KAZN: variants seen among roughly 807,000 people sequenced by gnomAD.
KAZN encodes the protein kazrin, periplakin interacting protein, also known as kazrin.
A neutral mutation model predicts 87.4 loss-of-function variants in KAZN; 40 were observed. The ratio of observed to expected loss-of-function variants is 0.46; its 90% CI spans 0.36 to 0.60. KAZN has a LOEUF of 0.60. Ranked by LOEUF, KAZN falls within the 20% of genes least tolerant of loss-of-function variation. KAZN has a pLI of 0.00. For synonymous variants in KAZN, 466 were observed against 458.3 expected (o/e 1.02, Z -0.22); for missense variants, 898 against 1,073.9 (o/e 0.84, Z 2.29).
chr1:14,090,297 C>A (rs948212754), intron 1 of KAZN, among the ~76,000 whole-genome samples: 6 of 152,100 alleles, frequency 3.9e-5, no homozygotes, highest in African/African-American at 1.4e-4. Flanking sequence ...ACACTCCATC[C>A]ATTTTTTTCA....
At chr1:14,514,619 A>ATTTTATATATTTTTTTATATTT (rs1557770559) in intron 2 of KAZN, among the ~76,000 whole-genome samples, 16 of 53,154 alleles carry the variant, frequency 3.0e-4, no homozygotes, top group Non-Finnish European at 5.3e-4. Context: ...ATATATATAT[A>ATTTTATATATTTTTTTATATTT]TATATATATA....
chr1:14,196,029 G>C (rs942378868), intron 2 of KAZN, among the ~76,000 whole-genome samples: 10 of 152,194 alleles, frequency 6.6e-5, no homozygotes, highest in African/African-American at 2.4e-4. Flanking sequence ...AACTAAGAGA[G>C]TGGATAAACC....
intron 1 of KAZN, among the ~76,000 whole-genome samples, chr1:14,651,898 C>T (rs190020517): frequency 5.3e-4 from 81 of 152,300 alleles, no homozygotes; most frequent in Admixed American, 2.2e-3. Flanking sequence ...ACAGGTAGTT[C>T]GAATGATACC....
intron 2 of KAZN, among the ~76,000 whole-genome samples, chr1:14,480,590 TTATA>T (rs1669016847): frequency 6.8e-6 from 1 of 146,434 alleles, no homozygotes; most frequent in African/African-American, 2.5e-5. Context: ...AATATTCATA[TTATA>T]TATTATATTT....
At chr1:14,308,320 TAGG>T (rs1268896288) in intron 2 of KAZN, among the ~76,000 whole-genome samples, 1 of 151,924 alleles carries the variant, frequency 6.6e-6, no homozygotes, top group South Asian at 2.1e-4. Context: ...TGAGATTATA[TAGG>T]AGAATATATT....
chr1:14,258,409 T>C (rs12031472), intron 2 of KAZN, among the ~76,000 whole-genome samples: 1 of 134,612 alleles, frequency 7.4e-6, no homozygotes, highest in African/African-American at 2.8e-5. Context: ...TTTTTTTTTG[T>C]ATTTTTAGTA....
At chr1:14,059,202 A>G (rs1642692748) in intron 1 of KAZN, among the ~76,000 whole-genome samples, 1 of 152,210 alleles carries the variant, frequency 6.6e-6, no homozygotes, top group East Asian at 1.9e-4. Flanking sequence ...ACACAATTAC[A>G]AGGCAAAGTC....
intron 1 of KAZN, among the ~76,000 whole-genome samples, chr1:14,007,486 G>T (rs1028148942): frequency 1.4e-4 from 21 of 152,190 alleles, no homozygotes; most frequent in African/African-American, 4.8e-4. Flanking sequence ...CACCCAGCTG[G>T]ACAGGGTGGC....
rs1044396766 is a variant in KAZN, at chr1:14,362,303, T to C, written c.249+181711T>C. 2.0e-5 allele frequency among the ~76,000 whole-genome samples: 3 copies of C among 152,350 alleles called. No homozygotes were observed. The East Asian group carries it at 5.8e-4, about 29-fold the overall frequency. Reference sequence around the variant, plus strand: ...GACAAAAGGCCTCAGTTGCTGGCTGTTGACGAGAGTCTGTCCTCAGTTTTT... The same window carrying C: ...GACAAAAGGCCTCAGTTGCTGGCTGCTGACGAGAGTCTGTCCTCAGTTTTT... On this transcript the variant is annotated intron_variant, in intron 2 of 16. Coordinates refer to the KAZN transcript ENST00000636203.
At position 14,726,878 on chromosome 1, in the gene KAZN, G is replaced by T. The variant is rs574190904; in HGVS notation, c.226+127655G>T. Among the ~76,000 whole-genome samples the T allele has an allele frequency of 2.0e-5, 3 of 152,280 alleles. No individual in the cohort carries two copies. In the South Asian group the frequency reaches 6.2e-4, roughly 32 times the overall value. On this transcript the variant is annotated intron_variant, in intron 1 of 14. Coordinates refer to ENST00000376030, the MANE Select transcript of KAZN (RefSeq NM_201628.3). ...CATGCACGCTCAGCTTTGAGAACCTGTATTAACTCACTGAATCTTGAAGAC... is the reference window on the plus strand; with the variant it reads ...CATGCACGCTCAGCTTTGAGAACCTTTATTAACTCACTGAATCTTGAAGAC...
At chr1:14,605,869 G>A (rs867009979) in intron 1 of KAZN, among the ~76,000 whole-genome samples, 6 of 152,332 alleles carry the variant, frequency 3.9e-5, no homozygotes, top group Admixed American at 1.3e-4. Flanking sequence ...GTGAGATAGT[G>A]ATGACTACAA....
chr1:14,730,884 GC>G (rs1169031118), intron 1 of KAZN, among the ~76,000 whole-genome samples: 3 of 152,058 alleles, frequency 2.0e-5, no homozygotes, highest in Non-Finnish European at 2.9e-5. Flanking sequence ...CAAGATGGTG[GC>G]CCTCCCTCTT....
intron 1 of KAZN, among the ~76,000 whole-genome samples, chr1:14,043,178 T>G (rs1641913352): frequency 6.6e-6 from 1 of 152,254 alleles, no homozygotes; most frequent in Admixed American, 6.5e-5. Flanking sequence ...TCTGTCCTTT[T>G]GTATCTAGCT....
chr1:14,250,065 A>G (rs1649874436), intron 2 of KAZN, among the ~76,000 whole-genome samples: 1 of 152,162 alleles, frequency 6.6e-6, no homozygotes, highest in Admixed American at 6.5e-5. Context: ...GAGTTTGGAG[A>G]TTCCTAATAT....
chr1:14,931,253 A>T (rs931438749), intron 1 of KAZN, among the ~76,000 whole-genome samples: 6 of 151,648 alleles, frequency 4.0e-5, no homozygotes, highest in Admixed American at 1.3e-4. Context: ...CCTGGGCAAC[A>T]TGGTGAAACC....
chr1:13,917,273 G>A (rs1029890992), intron 1 of KAZN, among the ~76,000 whole-genome samples: 1 of 152,166 alleles, frequency 6.6e-6, no homozygotes. Context: ...AGCTAAGGTC[G>A]TTGATGAAGG....
intron 2 of KAZN, among the ~76,000 whole-genome samples, chr1:14,478,854 G>A (rs1397984966): frequency 6.6e-6 from 1 of 152,196 alleles, no homozygotes; most frequent in African/African-American, 2.4e-5. Flanking sequence ...AGACCCTGAG[G>A]CAAAGGCTTG....
At chr1:14,276,532 G>A (rs1480591429) in intron 2 of KAZN, among the ~76,000 whole-genome samples, 2 of 152,124 alleles carry the variant, frequency 1.3e-5, no homozygotes, top group Non-Finnish European at 2.9e-5. Flanking sequence ...GGGATGTGGA[G>A]AAGACTCTGT....
At chr1:15,074,222 G>A (rs546090442) in intron 8 of KAZN, among the ~76,000 whole-genome samples, 14 of 152,374 alleles carry the variant, frequency 9.2e-5, no homozygotes, top group African/African-American at 3.4e-4. Context: ...AGAGGCTGCA[G>A]CCACCGTGTT....
Sources: allele counts gnomAD v4.1 joint callset (sites outside exome capture counted in the v4.1 genomes callset), GRCh38; gene constraint gnomAD v4.1.1; transcripts MANE v1.5; gene names NCBI Gene and HGNC (gene_info 2026-07-23, HGNC 2026-07-21).